NRG1: variants seen among roughly 807,000 people sequenced by gnomAD.
The protein encoded by NRG1 is neuregulin 1.
A neutral mutation model predicts 63.8 loss-of-function variants in NRG1; 18 were observed. The ratio of observed to expected loss-of-function variants is 0.28; its 90% CI spans 0.19 to 0.42. NRG1 has a LOEUF of 0.42. Among genes scored for constraint, NRG1 ranks in the 10% least tolerant of loss-of-function variants. The pLI, the probability that NRG1 is intolerant of heterozygous loss-of-function variation, is 1.00. For missense variants in NRG1, 762 were observed against 814.7 expected (o/e 0.94, Z 0.79); for synonymous variants, 302 against 301.3 (o/e 1.00, Z -0.02).
At chr8:31,648,227 G>A (rs1378968512) in intron 1 of NRG1, among the ~76,000 whole-genome samples, 2 of 138,102 alleles carry the variant, frequency 1.4e-5, no homozygotes, top group South Asian at 2.4e-4. Context: ...TCCGCCTCCC[G>A]GGTTCACGCC....
At chr8:32,486,080 C>G (rs116361451) in intron 1 of NRG1, among the ~76,000 whole-genome samples, 1,957 of 152,024 alleles carry the variant, frequency 0.013, 43 homozygotes, top group African/African-American at 0.042. Flanking sequence ...GGCGCTCCCC[C>G]CCTCCCCATG....
At chr8:31,676,907 G>A (rs1163244170) in intron 1 of NRG1, among the ~76,000 whole-genome samples, 2 of 152,160 alleles carry the variant, frequency 1.3e-5, no homozygotes, top group Non-Finnish European at 2.9e-5. Flanking sequence ...AGTGTCTCAC[G>A]TGATGTCTGG....
intron 1 of NRG1, among the ~76,000 whole-genome samples, chr8:32,345,134 C>T (rs1361398340): frequency 6.6e-6 from 1 of 152,152 alleles, no homozygotes; most frequent in Non-Finnish European, 1.5e-5. Flanking sequence ...TCATCTGTGT[C>T]CCTATTATCC....
intron 1 of NRG1, among the ~76,000 whole-genome samples, chr8:31,753,731 A>C (rs1284737088): frequency 6.6e-6 from 1 of 152,054 alleles, no homozygotes; most frequent in African/African-American, 2.4e-5. Context: ...TTTTTCTCAT[A>C]TATCAGGGTT....
In NRG1 at chr8:32,562,220, G is replaced by A. The variant is rs369375540; in HGVS notation, c.100+13394G>A. 6.6e-5 allele frequency among the ~76,000 whole-genome samples: 10 copies of A among 152,048 alleles called. No individual in the cohort carries two copies. The East Asian group carries it at 1.7e-3, about 27-fold the overall frequency. ...CACTGGGGGCCCATCCAAAAAGCTG[G>A]GGGTACAGACAACTGCTGATTCCCA... On this transcript the variant is annotated intron_variant, in intron 1 of 11. Coordinates refer to ENST00000356819, the Ensembl canonical transcript of NRG1.
Position 32,173,375 on chromosome 8 carries a change from A to T in NRG1, c.38-422453A>T, listed in dbSNP as rs1327570719. Among the ~76,000 whole-genome samples, 4 of 152,258 alleles carry T rather than the reference A, an allele frequency of 2.6e-5. No individual in the cohort carries two copies. The East Asian group carries it at 7.7e-4, about 29-fold the overall frequency. On this transcript the variant is annotated intron_variant, in intron 1 of 10. Transcript: ENST00000519301. ...TGGAAAGGAACAACCAGTACCAGCC[A>T]CTGCAAAAACATGCCAAATTGTAAA...
chr8:32,128,778 T>G (rs1267383676), intron 1 of NRG1, among the ~76,000 whole-genome samples: 1 of 151,916 alleles, frequency 6.6e-6, no homozygotes, highest in African/African-American at 2.4e-5. Context: ...AAATCACAAT[T>G]CCTTAAGAAA....
rs563954001 is a variant in NRG1 at position 32,428,789 on chromosome 8, C to G, written c.38-167039C>G. On this transcript the variant is annotated intron_variant, in intron 1 of 10. Transcript: ENST00000519301. ...AGCAAAAGTAATGGATTGTTCCAGA[C>G]CCCTGACCTCCCTTGAAGATGTCTT... is the stretch of plus-strand genomic sequence containing the variant. Among the ~76,000 whole-genome samples, 11 of 152,290 alleles carry G rather than the reference C, an allele frequency of 7.2e-5. No individual in the cohort carries two copies. In the South Asian group the frequency reaches 2.3e-3, roughly 32 times the overall value.
intron 1 of NRG1, among the ~76,000 whole-genome samples, chr8:32,189,455 T>C (rs1842274446): frequency 6.6e-6 from 1 of 152,214 alleles, no homozygotes; most frequent in Non-Finnish European, 1.5e-5. Flanking sequence ...GTATGGTATG[T>C]AGAACCTAAC....
At chr8:32,712,203 G>T (rs1394413255) in intron 5 of NRG1, among the ~76,000 whole-genome samples, 1 of 152,108 alleles carries the variant, frequency 6.6e-6, no homozygotes, top group East Asian at 1.9e-4. Flanking sequence ...ATGCTTCTGG[G>T]ACAGAAAAGT....
chr8:32,722,095 A>G (rs1023067926), intron 5 of NRG1: 2 of 1,369,742 alleles, frequency 1.5e-6, no homozygotes, highest in Admixed American at 2.4e-5. Context: ...TTAATATTCA[A>G]ACATTTAAAA....
At chr8:31,672,864 C>T (rs189004861) in intron 1 of NRG1, among the ~76,000 whole-genome samples, 1 of 151,640 alleles carries the variant, frequency 6.6e-6, no homozygotes, top group East Asian at 1.9e-4. Flanking sequence ...TTATCTTCAT[C>T]AATCTTTGAA....
intron 1 of NRG1, among the ~76,000 whole-genome samples, chr8:32,001,485 A>G (rs978128300): frequency 6.6e-6 from 1 of 152,038 alleles, no homozygotes; most frequent in Non-Finnish European, 1.5e-5. Flanking sequence ...ACCCAGTCTT[A>G]GGTAAGTCTT....
chr8:32,319,857 A>C (rs750923490), intron 1 of NRG1, among the ~76,000 whole-genome samples: 35 of 152,198 alleles, frequency 2.3e-4, no homozygotes, highest in Non-Finnish European at 4.3e-4. Flanking sequence ...GGTTTTCTGC[A>C]TATAATATGC....
At chr8:31,720,788 A>T (rs1812834974) in intron 1 of NRG1, among the ~76,000 whole-genome samples, 1 of 152,210 alleles carries the variant, frequency 6.6e-6, no homozygotes, top group Non-Finnish European at 1.5e-5. Flanking sequence ...ACAGCTGAGT[A>T]TGCTTCTTTT....
intron 1 of NRG1, among the ~76,000 whole-genome samples, chr8:31,673,108 C>T (rs893777255): frequency 2.0e-5 from 3 of 151,966 alleles, no homozygotes; most frequent in Non-Finnish European, 2.9e-5. Context: ...AATAAAAAGT[C>T]GTTTATGTTT....
intron 1 of NRG1, among the ~76,000 whole-genome samples, chr8:31,703,999 G>C (rs1810881152): frequency 6.6e-6 from 1 of 152,208 alleles, no homozygotes. Context: ...TCAGTTTACT[G>C]TTGCTACCCT....
chr8:32,748,806 A>C, intron 7 of NRG1: 1 of 438,904 alleles, frequency 2.3e-6, no homozygotes, highest in South Asian at 1.6e-5. Context: ...TGAGGCGTAG[A>C]ATTGTCCTAT....
intron 1 of NRG1, among the ~76,000 whole-genome samples, chr8:32,344,324 C>CTCTCTCTTTCTTTCTTTCTT (rs1804464663): frequency 3.1e-5 from 2 of 64,096 alleles, no homozygotes; most frequent in African/African-American, 1.1e-4. Context: ...TTCCTTCTTT[C>CTCTCTCTTTCTTTCTTTCTT]TCTTTCTTTC....
Sources: gnomAD v4.1 joint callset for allele counts (sites outside exome capture counted in the v4.1 genomes callset) on GRCh38, gnomAD v4.1.1 for gene constraint, MANE v1.5 for transcripts, NCBI Gene and HGNC (gene_info 2026-07-23, HGNC 2026-07-21) for gene names.